Variants in TPRG1 observed in about 807,000 individuals in gnomAD.
TPRG1 encodes the protein tumor protein p63 regulated 1, also known as tumor protein p63-regulated gene 1 protein.
In TPRG1, 29 loss-of-function variants were observed where a neutral mutation model predicts 29.3. The observed-to-expected ratio is 0.99, with a 90% CI of 0.74 to 1.35. TPRG1 has a LOEUF of 1.35. Among genes scored for constraint, TPRG1 ranks in the 40% most tolerant of loss-of-function variants. TPRG1 has a pLI of 0.00. For missense variants in TPRG1, 327 were observed against 335.0 expected (o/e 0.98, Z 0.19); for synonymous variants, 130 against 116.8 (o/e 1.11, Z -0.73).
intron 4 of TPRG1, among the ~76,000 whole-genome samples, chr3:189,250,511 C>CA (rs1553931568): frequency 3.5e-5 from 3 of 86,616 alleles, no homozygotes; most frequent in East Asian, 8.0e-4. Flanking sequence ...TCCGCCCCCC[C>CA]CCCCCCACCC....
chr3:189,249,530 G>T (rs957164205), intron 4 of TPRG1, among the ~76,000 whole-genome samples: 3 of 151,434 alleles, frequency 2.0e-5, no homozygotes, highest in African/African-American at 7.3e-5. Context: ...TCTTTTAATG[G>T]GTAAGATTAA....
At chr3:189,092,761 C>G (rs537996965) in intron 4 of TPRG1, among the ~76,000 whole-genome samples, 1 of 152,046 alleles carries the variant, frequency 6.6e-6, no homozygotes, top group African/African-American at 2.4e-5. Flanking sequence ...TAGGGGAGAG[C>G]GCTGACCAGC....
At chr3:189,020,151 T>C (rs1406070456) in intron 3 of TPRG1, among the ~76,000 whole-genome samples, 2 of 151,340 alleles carry the variant, frequency 1.3e-5, no homozygotes, top group Non-Finnish European at 3.0e-5. Context: ...GCTAGCGGTC[T>C]ATCTATTTTG....
At chr3:189,187,041 C>T (rs906379656) in intron 1 of TPRG1, among the ~76,000 whole-genome samples, 1 of 129,674 alleles carries the variant, frequency 7.7e-6, no homozygotes, top group African/African-American at 2.9e-5. Context: ...GCCTGGATCA[C>T]AGTGGCACCA....
intron 4 of TPRG1, among the ~76,000 whole-genome samples, chr3:189,259,179 A>T (rs1712503497): frequency 6.6e-6 from 1 of 151,960 alleles, no homozygotes; most frequent in Admixed American, 6.6e-5. Context: ...TCGTGGGGAA[A>T]GCGTAGTGTC....
At chr3:189,090,363 AT>A (rs983582578) in intron 4 of TPRG1, among the ~76,000 whole-genome samples, 3 of 152,056 alleles carry the variant, frequency 2.0e-5, no homozygotes, top group African/African-American at 7.2e-5. Flanking sequence ...TCTATACGTA[AT>A]TTTTGCTTCA....
At chr3:189,055,395 A>G (rs1715600714) in intron 4 of TPRG1, among the ~76,000 whole-genome samples, 1 of 152,212 alleles carries the variant, frequency 6.6e-6, no homozygotes, top group Non-Finnish European at 1.5e-5. Flanking sequence ...ATAGAAAAGG[A>G]GGCCAAGTCA....
Position 189,238,927 on chromosome 3 carries a change from A to T in TPRG1, c.479+18A>T. ...CTGGACAAGTGAGTATATATCTTAT[A>T]CTTGAAGAAGTGGTGCAGCAGGGAT... On this transcript the variant is annotated intron_variant, in intron 4 of 5. Coordinates refer to ENST00000345063, the MANE Select transcript of TPRG1 (RefSeq NM_198485.4). 1 of 1,576,978 alleles carries T rather than the reference A, an allele frequency of 6.3e-7. No individual in the cohort carries two copies. Among genetic ancestry groups the T allele is most frequent in the Non-Finnish European group, 8.6e-7 (1 of 1,156,332 alleles).
intron 3 of TPRG1, among the ~76,000 whole-genome samples, chr3:189,023,008 C>T (rs1560400092): frequency 6.6e-6 from 1 of 152,242 alleles, no homozygotes; most frequent in Non-Finnish European, 1.5e-5. Context: ...CGTCCGTCAC[C>T]CCTTTCTTTG....
chr3:189,083,329 C>G (rs1560433958), intron 4 of TPRG1, among the ~76,000 whole-genome samples: 1 of 152,078 alleles, frequency 6.6e-6, no homozygotes. Flanking sequence ...GAGGCTTCTC[C>G]TGGGGGGTTT....
Position 189,217,900 on chromosome 3 carries a change from AAAC to A in TPRG1, c.302+2526_302+2528del, listed in dbSNP as rs763766213. ...AGCACACCAAGGCAGGGAAAGGCAA[AAAC>A]AACAACAATGAGAACACAAAAACAA... On this transcript the variant is annotated intron_variant, in intron 3 of 5. Coordinates refer to ENST00000345063, the MANE Select transcript of TPRG1 (RefSeq NM_198485.4). 7 of 985,290 alleles carry A rather than the reference AAAC, an allele frequency of 7.1e-6. No individual in the cohort carries two copies. The African/African-American group carries it at 1.0e-4, about 15-fold the overall frequency. 61.0% of individuals were successfully genotyped at this position (985,290 alleles called of 1,614,324 possible).
At chr3:189,138,054 A>G (rs909730478) in intron 3 of TPRG1, among the ~76,000 whole-genome samples, 1 of 152,242 alleles carries the variant, frequency 6.6e-6, no homozygotes, top group Non-Finnish European at 1.5e-5. Context: ...AGGGACACAT[A>G]TGTGTAAACC....
Position 189,320,880 on chromosome 3 carries a change from T to C in TPRG1, c.*60T>C. ...GATATGTCACTTTGAAAATTCCAGT[T>C]TGACCCACGCTATTTTTGGACTGAA... is the stretch of plus-strand genomic sequence containing the variant. On this transcript the variant is annotated 3_prime_UTR_variant, in exon 6 of 6. Coordinates refer to ENST00000345063, the MANE Select transcript of TPRG1 (RefSeq NM_198485.4). The C allele has an allele frequency of 7.6e-7, 1 of 1,320,662 alleles. No homozygotes were observed. The highest frequency in any genetic ancestry group is 1.0e-6 in the Non-Finnish European group (1 of 990,592). The allele number at this position is 1,320,662 out of a possible 1,614,324, so 81.8% of individuals were successfully genotyped here. A position where few individuals can be genotyped will look rare whatever the true frequency, so the allele number is the denominator to read the frequency against.
At chr3:189,016,394 G>A (rs1256018528) in intron 3 of TPRG1, among the ~76,000 whole-genome samples, 2 of 151,916 alleles carry the variant, frequency 1.3e-5, no homozygotes, top group African/African-American at 2.4e-5. Flanking sequence ...TGATTTTATA[G>A]GCTCATAAAC....
chr3:189,059,604 A>G (rs1480904409), intron 4 of TPRG1, among the ~76,000 whole-genome samples: 1 of 151,904 alleles, frequency 6.6e-6, no homozygotes, highest in Non-Finnish European at 1.5e-5. Context: ...AAAAACAAAA[A>G]CAAAAACAAA....
rs558660580 is a variant in TPRG1 at position 189,016,845 on chromosome 3, A to G, written c.-659-6905A>G. On this transcript the variant is annotated intron_variant, in intron 3 of 10. Coordinates refer to the TPRG1 transcript ENST00000433971. ...CTGAGGCCCCCCAGTCATGCTTTCTATTAAGCCTACAGAACTGTGAGTCAA... is the reference window on the plus strand; with the variant it reads ...CTGAGGCCCCCCAGTCATGCTTTCTGTTAAGCCTACAGAACTGTGAGTCAA... Among the ~76,000 whole-genome samples, 3 of 152,188 alleles carry G rather than the reference A, an allele frequency of 2.0e-5. No homozygotes were observed. In the South Asian group the frequency reaches 6.2e-4, roughly 32 times the overall value.
At chr3:189,244,765 C>T (rs1741134636) in intron 4 of TPRG1, among the ~76,000 whole-genome samples, 1 of 152,190 alleles carries the variant, frequency 6.6e-6, no homozygotes, top group Non-Finnish European at 1.5e-5. Context: ...GGTGGGGACA[C>T]AGATCCAAAC....
chr3:189,157,344 T>G (rs1397524817), intron 5 of TPRG1, among the ~76,000 whole-genome samples: 1 of 152,224 alleles, frequency 6.6e-6, no homozygotes, highest in Admixed American at 6.5e-5. Context: ...TTGCTCAGGA[T>G]GCAGTTAAGA....
intron 1 of TPRG1, among the ~76,000 whole-genome samples, chr3:188,997,830 TCTC>T (rs989990324): frequency 2.0e-5 from 3 of 152,208 alleles, no homozygotes; most frequent in Non-Finnish European, 4.4e-5. Context: ...AGGGAAATTT[TCTC>T]CTCTGTACTT....
Sources: allele counts gnomAD v4.1 joint callset (sites outside exome capture counted in the v4.1 genomes callset), GRCh38; gene constraint gnomAD v4.1.1; transcripts MANE v1.5; gene names NCBI Gene and HGNC (gene_info 2026-07-23, HGNC 2026-07-21).